Variants in INTS4 observed in about 807,000 individuals in gnomAD.
INTS4 encodes the protein integrator complex subunit 4, also known as MSTP093.
A neutral mutation model predicts 119.5 loss-of-function variants in INTS4; 70 were observed. The observed-to-expected ratio is 0.59, with a 90% CI of 0.48 to 0.71. The LOEUF (loss-of-function observed/expected upper bound fraction) is 0.71, where lower values mean the gene tolerates loss of function less well. Among genes scored for constraint, INTS4 ranks in the 30% least tolerant of loss-of-function variants. The pLI, the probability that INTS4 is intolerant of heterozygous loss-of-function variation, is 0.00. For synonymous variants in INTS4, 316 were observed against 419.6 expected, an observed-to-expected ratio of 0.75 and a Z score of 3.02; for missense variants, 867 against 1,173.2, an observed-to-expected ratio of 0.74 and a Z score of 3.81.
intron 15 of INTS4, among the ~76,000 whole-genome samples, chr11:77,911,862 C>A (rs1257873276): frequency 6.6e-6 from 1 of 152,164 alleles, no homozygotes; most frequent in Admixed American, 6.5e-5. Flanking sequence ...TTTCACTGAA[C>A]AGGAAACTAA....
intron 4 of INTS4, among the ~76,000 whole-genome samples, chr11:77,976,096 C>A (rs1855940206): frequency 6.6e-6 from 1 of 150,512 alleles, no homozygotes; most frequent in South Asian, 2.1e-4. Flanking sequence ...GAAAAAGAAA[C>A]CTCATTAGTC....
In INTS4 at chr11:77,921,393, T is replaced by A; in HGVS notation, c.1711A>T (p.Arg571Trp). 2 of 1,613,270 alleles carry A rather than the reference T, an allele frequency of 1.2e-6. No individual in the cohort carries two copies. The highest frequency in any genetic ancestry group is 1.7e-6 in the Non-Finnish European group (2 of 1,179,250). ...CTGTCTCGGAGGTAGGCATAGTGCC[T>A]GAAGGTGTGATCTGAGAACAATGCT... ...MPALFSDHTFRHYAYLRDSLS... is the reference protein window; with the variant it reads ...MPALFSDHTFWHYAYLRDSLS... The change falls in exon 14 of 23, where the codon AGG (arginine) becomes TGG (tryptophan). Residue 571 changes from arginine (R) to tryptophan (W), a missense_variant. Transcript: ENST00000534064.
At chr11:77,939,470 A>G (rs1349372990) in intron 9 of INTS4, among the ~76,000 whole-genome samples, 1 of 151,964 alleles carries the variant, frequency 6.6e-6, no homozygotes, top group Non-Finnish European at 1.5e-5. Flanking sequence ...CAGTCCCAGT[A>G]AAAGTATTTT....
At chr11:77,908,056 G>GT (rs5792783) in intron 15 of INTS4, among the ~76,000 whole-genome samples, 152,303 of 152,304 alleles carry the variant, frequency 1, 76,151 homozygotes, top group Non-Finnish European at 1. Context: ...ATGGTAAAAT[G>GT]TTTGATTCAT....
chr11:77,938,550 G>A (rs1953855577), intron 10 of INTS4, 101 bp downstream of exon 10: 1 of 1,479,996 alleles, frequency 6.8e-7, no homozygotes, highest in Non-Finnish European at 9.0e-7. Context: ...CAGAGTTACT[G>A]TGAGGACTAA....
At chr11:77,965,634 A>G (rs534375436) in intron 4 of INTS4, among the ~76,000 whole-genome samples, 1 of 152,312 alleles carries the variant, frequency 6.6e-6, no homozygotes, top group South Asian at 2.1e-4. Flanking sequence ...CAAGGTTCAT[A>G]CATGTTGTCA....
intron 8 of INTS4, among the ~76,000 whole-genome samples, chr11:77,942,427 C>T (rs1953951531): frequency 6.6e-6 from 1 of 152,132 alleles, no homozygotes; most frequent in Non-Finnish European, 1.5e-5. Flanking sequence ...AATAAAGAGC[C>T]TTATTTGCCA....
intron 8 of INTS4, among the ~76,000 whole-genome samples, chr11:77,949,562 G>A (rs986363243): frequency 6.1e-5 from 9 of 147,514 alleles, no homozygotes; most frequent in Non-Finnish European, 1.3e-4. Context: ...TGAAGGATAT[G>A]AACAGACACT....
chr11:77,981,604 T>G (rs777969065), intron 2 of INTS4, 28 bp from the exon 3 acceptor site: 1 of 1,263,076 alleles, frequency 7.9e-7, no homozygotes, highest in South Asian at 1.4e-5. Context: ...ATTGTCACTT[T>G]GATGCTTTAC....
chr11:77,912,471 G>A (rs1308983066), intron 15 of INTS4, among the ~76,000 whole-genome samples: 1 of 151,954 alleles, frequency 6.6e-6, no homozygotes, highest in Non-Finnish European at 1.5e-5. Context: ...TCTATATGAT[G>A]CCACTATGCC....
chr11:77,963,171 C>A (rs1047824542), intron 4 of INTS4, among the ~76,000 whole-genome samples: 2 of 151,936 alleles, frequency 1.3e-5, no homozygotes, highest in African/African-American at 4.8e-5. Flanking sequence ...GTCAACCAGG[C>A]AACAATAATG....
rs146425444 is a variant in INTS4, at chr11:77,965,033, T to C, written c.472-3895A>G. Among the ~76,000 whole-genome samples, 31 of 152,324 alleles carry C rather than the reference T, an allele frequency of 2.0e-4. No homozygotes were observed. In the East Asian group the frequency reaches 5.6e-3, roughly 27 times the overall value. On this transcript the variant is annotated intron_variant, in intron 4 of 22. Transcript: ENST00000534064. ...TTAACATATATCCATCACCTATCAT[T>C]TTTTGTGGTGAGACATTTGAAATAT...
intron 2 of INTS4, among the ~76,000 whole-genome samples, chr11:77,985,654 T>G (rs1247728088): frequency 6.6e-6 from 1 of 152,210 alleles, no homozygotes; most frequent in African/African-American, 2.4e-5. Context: ...GATTACATCA[T>G]CTACATCTCT....
At chr11:77,924,485 A>G in intron 12 of INTS4, 1 of 360,918 alleles carries the variant, frequency 2.8e-6, no homozygotes, top group East Asian at 4.8e-5. Context: ...AACAGCTACC[A>G]CAAGGGTTGG....
At chr11:77,926,028 G>A (rs550391013) in intron 11 of INTS4, among the ~76,000 whole-genome samples, 1 of 152,250 alleles carries the variant, frequency 6.6e-6, no homozygotes, top group Non-Finnish European at 1.5e-5. Flanking sequence ...ATCACCATCT[G>A]AAATCATTTT....
At chr11:77,971,244 G>A (rs1284012253) in intron 4 of INTS4, among the ~76,000 whole-genome samples, 3 of 152,038 alleles carry the variant, frequency 2.0e-5, no homozygotes, top group Non-Finnish European at 4.4e-5. Context: ...TTTTGCCCAT[G>A]TTAGTTTAAT....
At chr11:77,910,915 A>G (rs1953074504) in intron 15 of INTS4, 1 of 983,606 alleles carries the variant, frequency 1.0e-6, no homozygotes, top group African/African-American at 1.7e-5. Flanking sequence ...AAGCTGCCTC[A>G]TTACTTTTTA....
rs1455633573 is a variant in INTS4, at chr11:77,922,396, T to C, written c.1590A>G (p.Pro530=). The change falls in exon 13 of 23, where the codon CCA becomes CCG. Residue 530 remains proline, a synonymous_variant. Coordinates refer to ENST00000534064, the MANE Select transcript of INTS4 (RefSeq NM_033547.4). ...TGTCTGGTTCAGCTGTGTCAAAAAA[T>C]GGGTGGGTGCTCAGAAGCTCTGGCA... The part of the protein sequence containing the change: ...PLVPELLSTH[P]FFDTAEPDMD... 3 of 1,488,930 alleles carry C rather than the reference T, an allele frequency of 2.0e-6. No individual in the cohort carries two copies. The highest frequency in any genetic ancestry group is 4.7e-5 in the East Asian group (2 of 42,196). The allele number at this position is 1,488,930 out of a possible 1,614,324, so 92.2% of individuals were successfully genotyped here. A position where few individuals can be genotyped will look rare whatever the true frequency, so the allele number is the denominator to read the frequency against.
chr11:77,901,737 AC>A (rs1231106218), intron 17 of INTS4, among the ~76,000 whole-genome samples, 186 bp from the exon 18 acceptor site: 2 of 151,946 alleles, frequency 1.3e-5, no homozygotes, highest in Non-Finnish European at 2.9e-5. Context: ...TATTTTGCCT[AC>A]TTAAAAAGAA....
Sources: gnomAD v4.1 joint callset for allele counts (sites outside exome capture counted in the v4.1 genomes callset) on GRCh38, gnomAD v4.1.1 for gene constraint, MANE v1.5 for transcripts, NCBI Gene and HGNC (gene_info 2026-07-23, HGNC 2026-07-21) for gene names.